The following NKAIN2 variants were observed in gnomAD, a reference collection of about 807,000 sequenced individuals.
NKAIN2 encodes the protein sodium/potassium-transporting ATPase subunit beta-1-interacting protein 2.
Under a neutral mutation model 32.6 loss-of-function variants are expected in NKAIN2, and 14 were observed. The observed-to-expected ratio is 0.43, with a 90% confidence interval of 0.28 to 0.67. NKAIN2 has a LOEUF of 0.67. Ranked by LOEUF, NKAIN2 falls within the 30% of genes least tolerant of loss-of-function variation. NKAIN2 has a pLI of 0.17. For missense variants in NKAIN2, 198 were observed against 258.3 expected (o/e 0.77, Z 1.60); for synonymous variants, 80 against 87.2 (o/e 0.92, Z 0.46).
intron 1 of NKAIN2, among the ~76,000 whole-genome samples, chr6:124,201,618 G>A (rs1370123288): frequency 6.6e-6 from 1 of 151,956 alleles, no homozygotes; most frequent in Admixed American, 6.6e-5. Flanking sequence ...TGCATGTTAT[G>A]TCAACGTAAT....
intron 1 of NKAIN2, among the ~76,000 whole-genome samples, chr6:124,137,128 G>T (rs116532632): frequency 6.6e-6 from 1 of 151,916 alleles, no homozygotes; most frequent in Non-Finnish European, 1.5e-5. Context: ...CATCCAAAAG[G>T]CTTCTAGATC....
At chr6:123,865,561 T>C (rs9490974) in intron 1 of NKAIN2, among the ~76,000 whole-genome samples, 14,410 of 152,250 alleles carry the variant, frequency 0.095, 2,154 homozygotes, top group African/African-American at 0.32. Context: ...TTTTGTTATA[T>C]GTTTTATTCT....
intron 1 of NKAIN2, among the ~76,000 whole-genome samples, chr6:123,901,808 A>G (rs565615760): frequency 4.6e-5 from 7 of 152,280 alleles, no homozygotes; most frequent in African/African-American, 1.4e-4. Flanking sequence ...TTTCCACAAT[A>G]AAATTAATTG....
chr6:124,360,045 C>A (rs1184735994), intron 3 of NKAIN2, among the ~76,000 whole-genome samples: 1 of 151,988 alleles, frequency 6.6e-6, no homozygotes, highest in African/African-American at 2.4e-5. Flanking sequence ...TGGTTTTTGT[C>A]GTTGGTTCTG....
intron 4 of NKAIN2, among the ~76,000 whole-genome samples, chr6:124,669,019 G>C (rs896577348): frequency 1.3e-5 from 2 of 152,056 alleles, no homozygotes; most frequent in African/African-American, 2.4e-5. Flanking sequence ...TATCTGGGCT[G>C]ATTTGGAAGA....
intron 2 of NKAIN2, among the ~76,000 whole-genome samples, chr6:124,303,574 T>G (rs1408220477): frequency 6.6e-6 from 1 of 152,088 alleles, no homozygotes; most frequent in African/African-American, 2.4e-5. Flanking sequence ...CAGTACGTGG[T>G]CTTCCACTAA....
chr6:123,894,523 G>A (rs1301545320), intron 1 of NKAIN2, among the ~76,000 whole-genome samples: 1 of 152,088 alleles, frequency 6.6e-6, no homozygotes, highest in East Asian at 1.9e-4. Flanking sequence ...TGTAAAACCT[G>A]AGAAGCATTC....
intron 1 of NKAIN2, among the ~76,000 whole-genome samples, chr6:124,248,335 C>G (rs905524181): frequency 6.6e-6 from 1 of 151,896 alleles, no homozygotes; most frequent in African/African-American, 2.4e-5. Context: ...TGGCTTATAG[C>G]GATTGTACAT....
intron 1 of NKAIN2, among the ~76,000 whole-genome samples, chr6:123,875,445 C>G (rs997916761): frequency 2.6e-5 from 4 of 151,898 alleles, no homozygotes; most frequent in Non-Finnish European, 5.9e-5. Flanking sequence ...CATTTATTTA[C>G]CATTCATATT....
chr6:123,804,596 G>A (rs1180349240), intron 1 of NKAIN2, among the ~76,000 whole-genome samples: 5 of 152,126 alleles, frequency 3.3e-5, no homozygotes, highest in Non-Finnish European at 7.3e-5. Context: ...ACAATTTACC[G>A]TACAGGTTGT....
intron 4 of NKAIN2, among the ~76,000 whole-genome samples, chr6:124,746,489 G>T (rs577049379): frequency 6.6e-6 from 1 of 151,796 alleles, no homozygotes; most frequent in Non-Finnish European, 1.5e-5. Context: ...TAAAATAATA[G>T]CAGGAGAAGT....
chr6:124,307,117 T>C (rs1796538880), intron 2 of NKAIN2, among the ~76,000 whole-genome samples: 1 of 152,128 alleles, frequency 6.6e-6, no homozygotes, highest in Non-Finnish European at 1.5e-5. Flanking sequence ...AAATTGTTTT[T>C]CTGACATAAA....
intron 4 of NKAIN2, among the ~76,000 whole-genome samples, chr6:124,709,856 T>G (rs1049461056): frequency 2.6e-5 from 4 of 151,722 alleles, no homozygotes; most frequent in African/African-American, 9.7e-5. Context: ...TTTTAGTTAT[T>G]TCTTGCCTTC....
chr6:124,463,298 T>G (rs535344281), intron 3 of NKAIN2, among the ~76,000 whole-genome samples: 1 of 152,176 alleles, frequency 6.6e-6, no homozygotes, highest in African/African-American at 2.4e-5. Flanking sequence ...CTTTAAAATG[T>G]TTGCACTCTA....
At chr6:124,703,919 G>A (rs989292739) in intron 4 of NKAIN2, among the ~76,000 whole-genome samples, 1 of 151,754 alleles carries the variant, frequency 6.6e-6, no homozygotes, top group Non-Finnish European at 1.5e-5. Context: ...GCTTTTTCAT[G>A]TATATCTGCC....
intron 3 of NKAIN2, among the ~76,000 whole-genome samples, chr6:124,358,093 A>G (rs532641490): frequency 1.5e-4 from 23 of 152,314 alleles, no homozygotes; most frequent in African/African-American, 5.1e-4. Context: ...TGTCCCTACA[A>G]AGGACATGAA....
intron 1 of NKAIN2, among the ~76,000 whole-genome samples, chr6:124,148,602 C>T (rs562732895): frequency 2.6e-5 from 4 of 152,224 alleles, no homozygotes; most frequent in East Asian, 3.9e-4. Context: ...TGGCTTCTTA[C>T]ATTTAGCATG....
chr6:123,863,666 G>T (rs1055263865), intron 1 of NKAIN2, among the ~76,000 whole-genome samples: 4 of 152,144 alleles, frequency 2.6e-5, no homozygotes, highest in African/African-American at 4.8e-5. Flanking sequence ...GTACACCTTG[G>T]TGCCTTCCAT....
chr6:124,716,472 C>G (rs1426101280), intron 4 of NKAIN2, among the ~76,000 whole-genome samples: 1 of 152,174 alleles, frequency 6.6e-6, no homozygotes, highest in Non-Finnish European at 1.5e-5. Context: ...CCTTAGGAAA[C>G]ATGCCCTTGC....
Sources: allele counts gnomAD v4.1 joint callset (sites outside exome capture counted in the v4.1 genomes callset), GRCh38; gene constraint gnomAD v4.1.1; transcripts MANE v1.5; gene names NCBI Gene and HGNC (gene_info 2026-07-23, HGNC 2026-07-21).